The following FSTL5 variants were observed in gnomAD, a reference collection of about 807,000 sequenced individuals.
FSTL5 encodes follistatin-related protein 5.
In FSTL5, 62 loss-of-function variants were observed where a neutral mutation model predicts 89.1. The ratio of observed to expected loss-of-function variants is 0.70; its 90% CI spans 0.57 to 0.86. The LOEUF (loss-of-function observed/expected upper bound fraction) is 0.86, where lower values mean the gene tolerates loss of function less well. Ranked by LOEUF, FSTL5 falls within the 40% of genes least tolerant of loss-of-function variation. FSTL5 has a pLI of 0.00. For synonymous variants in FSTL5, 383 were observed against 346.2 expected (o/e 1.11, Z -1.18); for missense variants, 1,057 against 1,001.6 (o/e 1.06, Z -0.75).
At chr4:161,794,151 T>C (rs1191315950) in intron 4 of FSTL5, among the ~76,000 whole-genome samples, 1 of 152,142 alleles carries the variant, frequency 6.6e-6, no homozygotes, top group East Asian at 1.9e-4. Context: ...TGAGGAGCTT[T>C]GAAACAAGTG....
chr4:161,526,496 A>G (rs1454813576), intron 10 of FSTL5, among the ~76,000 whole-genome samples: 1 of 152,180 alleles, frequency 6.6e-6, no homozygotes, highest in African/African-American at 2.4e-5. Flanking sequence ...GTATCTTTTA[A>G]TAAATTTCAC....
At chr4:162,090,490 G>C (rs1730502615) in intron 2 of FSTL5, among the ~76,000 whole-genome samples, 1 of 151,998 alleles carries the variant, frequency 6.6e-6, no homozygotes, top group South Asian at 2.1e-4. Context: ...TGAAATAAAA[G>C]CTCAAAATCA....
At chr4:161,523,916 G>A (rs1160627191) in intron 10 of FSTL5, among the ~76,000 whole-genome samples, 2 of 152,028 alleles carry the variant, frequency 1.3e-5, no homozygotes, top group Admixed American at 6.6e-5. Flanking sequence ...CCTTTGAAGG[G>A]TAAACCAAAA....
intron 7 of FSTL5, among the ~76,000 whole-genome samples, chr4:161,620,251 A>C (rs999534577): frequency 1.3e-5 from 2 of 151,358 alleles, no homozygotes; most frequent in African/African-American, 4.9e-5. Context: ...ATGACGAGTT[A>C]ATGGGTGCAG....
intron 6 of FSTL5, among the ~76,000 whole-genome samples, chr4:161,658,148 A>G: frequency 6.6e-6 from 1 of 152,100 alleles, no homozygotes; most frequent in East Asian, 1.9e-4. Context: ...ATTCCCATTT[A>G]TTTCAATGCT....
In FSTL5 at chr4:161,513,431, G is replaced by C. The variant is rs555764753; in HGVS notation, c.1313-3007C>G. Among the ~76,000 whole-genome samples the C allele has an allele frequency of 5.0e-4, 76 of 151,906 alleles. 1 individual carries two copies. Among genetic ancestry groups the C allele is most frequent in the Non-Finnish European group, 9.1e-4 (62 of 67,920 alleles). ...TTTAATACCAGGGTGATTCCTCAAA[G>C]ACCTAAAAACAAGAAATACCATTTG... On this transcript the variant is annotated intron_variant, in intron 10 of 15. Transcript: ENST00000306100.
intron 8 of FSTL5, among the ~76,000 whole-genome samples, chr4:161,553,696 G>A (rs1464276113): frequency 2.6e-5 from 4 of 151,330 alleles, no homozygotes; most frequent in Non-Finnish European, 4.4e-5. Context: ...TGACTACTTG[G>A]CATCCACATT....
chr4:162,154,062 C>T (rs950158238), intron 1 of FSTL5, among the ~76,000 whole-genome samples: 1 of 151,830 alleles, frequency 6.6e-6, no homozygotes, highest in Admixed American at 6.6e-5. Context: ...TCGCTTCGGC[C>T]TCCCAAAGTG....
intron 4 of FSTL5, among the ~76,000 whole-genome samples, chr4:161,788,710 A>AC (rs1248154303): frequency 1.3e-5 from 2 of 151,940 alleles, no homozygotes; most frequent in Non-Finnish European, 2.9e-5. Flanking sequence ...ATAATGTGAG[A>AC]CCCCGCCCCT....
intron 4 of FSTL5, among the ~76,000 whole-genome samples, chr4:161,834,510 T>C (rs1487831060): frequency 6.6e-6 from 1 of 152,208 alleles, no homozygotes; most frequent in African/African-American, 2.4e-5. Flanking sequence ...GGAAGTCAAA[T>C]TGTCCTTGTT....
At chr4:161,721,403 G>A (rs1739211872) in intron 6 of FSTL5, among the ~76,000 whole-genome samples, 1 of 151,688 alleles carries the variant, frequency 6.6e-6, no homozygotes, top group Non-Finnish European at 1.5e-5. Context: ...AAAAGGTCCT[G>A]GAAAAAATTT....
chr4:161,788,143 C>T (rs28558390), intron 4 of FSTL5, among the ~76,000 whole-genome samples: 4,634 of 152,024 alleles, frequency 0.03, 81 homozygotes, highest in African/African-American at 0.042. Flanking sequence ...TTAATTGACA[C>T]GTAATAATTG....
At chr4:162,145,099 T>A (rs1732921434) in intron 1 of FSTL5, among the ~76,000 whole-genome samples, 1 of 151,690 alleles carries the variant, frequency 6.6e-6, no homozygotes, top group South Asian at 2.1e-4. Flanking sequence ...AATGAATATG[T>A]AATGAATACA....
chr4:161,881,032 T>C (rs528609125), intron 4 of FSTL5, among the ~76,000 whole-genome samples: 16 of 151,988 alleles, frequency 1.1e-4, no homozygotes, highest in Admixed American at 5.9e-4. Flanking sequence ...AGGTAAATTT[T>C]ACTGTATATA....
At chr4:161,441,572 G>C (rs1297831185) in intron 15 of FSTL5, among the ~76,000 whole-genome samples, 3 of 151,974 alleles carry the variant, frequency 2.0e-5, no homozygotes, top group Non-Finnish European at 4.4e-5. Flanking sequence ...CTTTGAACCA[G>C]GGAAAATTTC....
intron 6 of FSTL5, among the ~76,000 whole-genome samples, chr4:161,677,865 A>G (rs1737360195): frequency 6.6e-6 from 1 of 151,894 alleles, no homozygotes; most frequent in Non-Finnish European, 1.5e-5. Flanking sequence ...TCTCACCACA[A>G]ATAATGTGAA....
intron 11 of FSTL5, among the ~76,000 whole-genome samples, chr4:161,504,257 C>A (rs1248350013): frequency 6.6e-6 from 1 of 151,828 alleles, no homozygotes; most frequent in East Asian, 1.9e-4. Flanking sequence ...TAGAGATACA[C>A]CTCTCCCCAA....
chr4:161,874,682 GATGA>G (rs1560893681), intron 4 of FSTL5, among the ~76,000 whole-genome samples: 1 of 150,318 alleles, frequency 6.7e-6, no homozygotes, highest in South Asian at 2.1e-4. Flanking sequence ...CGTTTGAGTT[GATGA>G]ATCTTCTTTT....
At chr4:162,035,125 A>ACATT (rs949081368) in intron 2 of FSTL5, 15 of 152,264 alleles carry the variant, frequency 9.9e-5, no homozygotes, top group Non-Finnish European at 1.9e-4. Flanking sequence ...TCCTCTATTA[A>ACATT]CATTCATTCA....
Sources: gnomAD v4.1 joint callset for allele counts (sites outside exome capture counted in the v4.1 genomes callset) on GRCh38, gnomAD v4.1.1 for gene constraint, MANE v1.5 for transcripts, NCBI Gene and HGNC (gene_info 2026-07-23, HGNC 2026-07-21) for gene names.